Variants in SCRN3 observed in about 807,000 individuals in gnomAD.
SCRN3 encodes secernin 3.
Under a neutral mutation model 43.1 loss-of-function variants are expected in SCRN3, and 39 were observed. The ratio of observed to expected loss-of-function variants is 0.91; its 90% CI spans 0.70 to 1.18. SCRN3 has a LOEUF of 1.18. Among genes scored for constraint, SCRN3 ranks in the 50% most tolerant of loss-of-function variants. SCRN3 has a pLI of 0.00. For missense variants in SCRN3, 484 were observed against 498.0 expected (o/e 0.97, Z 0.27); for synonymous variants, 147 against 163.1 (o/e 0.90, Z 0.75).
chr2:174,410,671 T>TTGC (rs1685886126), intron 5 of SCRN3, among the ~76,000 whole-genome samples: 1 of 152,222 alleles, frequency 6.6e-6, no homozygotes, highest in Non-Finnish European at 1.5e-5. Context: ...TCTTTGACTA[T>TTGC]TGCTGCTGCT....
At chr2:174,396,289 A>T in intron 1 of SCRN3, 2 of 988,588 alleles carry the variant, frequency 2.0e-6, no homozygotes, top group Non-Finnish European at 2.4e-6. Context: ...ACGCGTTAGG[A>T]GTTGGTAAAA....
intron 4 of SCRN3, among the ~76,000 whole-genome samples, chr2:174,402,784 G>T (rs891309083): frequency 2.6e-5 from 4 of 152,044 alleles, no homozygotes; most frequent in African/African-American, 7.2e-5. Flanking sequence ...TGTAATGAGG[G>T]TATCCCAAGT....
At chr2:174,422,793 T>C (rs375004342) in intron 5 of SCRN3, 92 bp from the exon 6 acceptor site, 2 of 707,482 alleles carry the variant, frequency 2.8e-6, no homozygotes, top group South Asian at 4.6e-5. Flanking sequence ...AAGACTAATA[T>C]CTCACATATT....
At chr2:174,407,566 G>T in intron 5 of SCRN3, among the ~76,000 whole-genome samples, 1 of 50,312 alleles carries the variant, frequency 2.0e-5, no homozygotes, top group Non-Finnish European at 3.7e-5. Flanking sequence ...TGTCAATTTT[G>T]GATCTTTCCT....
chr2:174,427,470 CTCTTA>C (rs1206587384), intron 7 of SCRN3, among the ~76,000 whole-genome samples: 2 of 152,050 alleles, frequency 1.3e-5, no homozygotes, highest in African/African-American at 2.4e-5. Flanking sequence ...TTATAAACTA[CTCTTA>C]TAATTGTTTT....
At chr2:174,427,600 A>G (rs1686531185) in intron 7 of SCRN3, 113 bp from the exon 8 acceptor site, 3 of 536,478 alleles carry the variant, frequency 5.6e-6, no homozygotes, top group Admixed American at 4.0e-5. Flanking sequence ...GAAGGGAACC[A>G]AACCACAATC....
chr2:174,423,079 G>T, intron 6 of SCRN3, 32 bp downstream of exon 6: 1 of 1,586,452 alleles, frequency 6.3e-7, no homozygotes, highest in Non-Finnish European at 8.6e-7. Flanking sequence ...AACCAGCAAG[G>T]GGTCAGGGGA....
chr2:174,426,935 C>T (rs1014948996), intron 7 of SCRN3, among the ~76,000 whole-genome samples: 6 of 151,830 alleles, frequency 4.0e-5, no homozygotes, highest in South Asian at 2.1e-4. Context: ...CAGGTTCAAG[C>T]GATTCTCCTG....
Position 174,424,515 on chromosome 2 carries a change from C to T in SCRN3, c.958C>T (p.Gln320Ter), listed in dbSNP as rs1337076856. The T allele has an allele frequency of 1.9e-6, 3 of 1,611,984 alleles. No homozygotes were observed. The highest frequency in any genetic ancestry group is 2.5e-6 in the Non-Finnish European group (3 of 1,178,782). The change falls in exon 7 of 8, where the codon CAA becomes TAA. Residue 320 changes from glutamine to a stop codon, truncating the protein, a stop_gained. Transcript: ENST00000272732. LOFTEE classifies it high-confidence loss of function. ...TTTCATATTTGTGCCACATATTTCA[C>T]AACTATTGGATACCAGTTCACCAAC... ...KPFIFVPHIS[Q>*]LLDTSSPTFE...
chr2:174,406,413 AT>A lies in SCRN3; in HGVS notation c.754+2101del, dbSNP rs1359377703. 2.2e-5 allele frequency among the ~76,000 whole-genome samples: 3 copies of A among 134,098 alleles called. No individual in the cohort carries two copies. The South Asian group carries it at 7.4e-4, about 33-fold the overall frequency. 88.0% of individuals were successfully genotyped at this position (134,098 alleles called of 152,430 possible). The stretch of plus-strand genomic sequence containing the variant: ...ATCATGTCGTCTGCAAACAGGGACA[AT>A]TTGACTTCCTCTTTTCCTAATTGAA... On this transcript the variant is annotated intron_variant, in intron 5 of 7. Coordinates refer to ENST00000272732, the MANE Select transcript of SCRN3 (RefSeq NM_024583.5).
intron 5 of SCRN3, among the ~76,000 whole-genome samples, chr2:174,412,930 C>T (rs759648692): frequency 1.1e-4 from 15 of 141,198 alleles, no homozygotes; most frequent in Non-Finnish European, 1.5e-4. Flanking sequence ...TGCAATGGCG[C>T]GATCTCAGCT....
At chr2:174,409,278 C>T (rs1574654931) in intron 5 of SCRN3, among the ~76,000 whole-genome samples, 2 of 139,088 alleles carry the variant, frequency 1.4e-5, no homozygotes, top group Non-Finnish European at 3.3e-5. Flanking sequence ...GCATTCTTCA[C>T]GTAGTTCTCG....
At chr2:174,396,860 C>G (rs965587728) in intron 1 of SCRN3, 1 of 152,792 alleles carries the variant, frequency 6.5e-6, no homozygotes, top group Admixed American at 6.6e-5. Flanking sequence ...CAAATAATAA[C>G]AATAACAGCT....
At chr2:174,415,000 A>G (rs777932046) in intron 5 of SCRN3, among the ~76,000 whole-genome samples, 10 of 152,000 alleles carry the variant, frequency 6.6e-5, no homozygotes, top group Non-Finnish European at 1.5e-4. Flanking sequence ...ACTGACCTCA[A>G]ATGAGCCGCC....
At position 174,424,633 on chromosome 2, in the gene SCRN3, T is replaced by TAGTA; in HGVS notation, c.1078_1081dup (p.Asn361SerfsTer3). 6.2e-7 allele frequency: 1 copy of TAGTA among 1,610,638 alleles called. No individual in the cohort carries two copies. The highest frequency in any genetic ancestry group is 8.5e-7 in the Non-Finnish European group (1 of 1,177,792). On this transcript the variant is annotated frameshift_variant, in exon 7 of 8. Transcript: ENST00000272732. LOFTEE classifies it high-confidence loss of function. Reference sequence around the variant, plus strand: ...CAAAAACATCAACAGGCATTGGAAGTAGTAAATAATAATGAGGTATGCTAG... The same window carrying TAGTA: ...CAAAAACATCAACAGGCATTGGAAGTAGTAAGTAAATAATAATGAGGTATGCTAG...
At chr2:174,399,241 T>G (rs1685425068) in intron 2 of SCRN3, among the ~76,000 whole-genome samples, 1 of 152,216 alleles carries the variant, frequency 6.6e-6, no homozygotes, top group African/African-American at 2.4e-5. Context: ...TATTTTTTTC[T>G]TTTGCTAAGA....
intron 5 of SCRN3, among the ~76,000 whole-genome samples, chr2:174,412,029 GTCTC>G (rs139230285): frequency 6.6e-6 from 1 of 151,712 alleles, no homozygotes; most frequent in Non-Finnish European, 1.5e-5. Context: ...ACTCTACTCT[GTCTC>G]TCTCTCTCTG....
chr2:174,411,947 A>T (rs1440797251), intron 5 of SCRN3, among the ~76,000 whole-genome samples: 1 of 152,180 alleles, frequency 6.6e-6, no homozygotes, highest in East Asian at 1.9e-4. Context: ...ATTAAAAATT[A>T]AATAATTAGA....
intron 6 of SCRN3, among the ~76,000 whole-genome samples, chr2:174,423,776 C>CCTT (rs1559084387): frequency 8.0e-6 from 1 of 125,386 alleles, no homozygotes; most frequent in Admixed American, 8.1e-5. Flanking sequence ...GCCAAGTCTT[C>CCTT]CTTTTTTTTT....
Sources: allele counts gnomAD v4.1 joint callset (sites outside exome capture counted in the v4.1 genomes callset), GRCh38; gene constraint gnomAD v4.1.1; transcripts MANE v1.5; gene names NCBI Gene and HGNC (gene_info 2026-07-23, HGNC 2026-07-21).